PPFIBP2: variants seen among roughly 807,000 people sequenced by gnomAD.
The protein encoded by PPFIBP2 is PPFIB scaffold protein 2.
In PPFIBP2, 118 loss-of-function variants were observed where a neutral mutation model predicts 118.3. That is an observed-to-expected ratio of 1.00 (90% CI 0.86 to 1.16). The LOEUF (loss-of-function observed/expected upper bound fraction) is 1.16, where lower values mean the gene tolerates loss of function less well. PPFIBP2 is among the 50% of genes most tolerant of loss of function. PPFIBP2 has a pLI of 0.00. For synonymous variants in PPFIBP2, 414 were observed against 397.4 expected (o/e 1.04, Z -0.50); for missense variants, 1,195 against 1,073.1 (o/e 1.11, Z -1.59).
chr11:7,555,545 A>G (rs1590221079), intron 2 of PPFIBP2, among the ~76,000 whole-genome samples: 1 of 152,354 alleles, frequency 6.6e-6, no homozygotes, highest in African/African-American at 2.4e-5. Context: ...GTGCAGCAGC[A>G]TATAGCATTC....
In PPFIBP2 at chr11:7,610,379, A is replaced by C. The variant is rs1372143324; in HGVS notation, c.575A>C (p.Glu192Ala). 2 of 1,614,060 alleles carry C rather than the reference A, an allele frequency of 1.2e-6. No homozygotes were observed. Among genetic ancestry groups the C allele is most frequent in the East Asian group, 4.5e-5 (2 of 44,898 alleles). The change falls in exon 6 of 24, where the codon GAG becomes GCG. Residue 192 changes from glutamate (E) to alanine (A), a missense_variant. Transcript: ENST00000299492. ...SELKLKLVGM[E>A]KEQREQEEKQ... is the part of the protein sequence containing the mutation. The stretch of plus-strand genomic sequence containing the variant: ...CTGAAGCTCAAGCTGGTTGGCATGG[A>C]GAAGGAGCAGAGAGAGCAGGAGGAG...
At chr11:7,554,035 C>CTG (rs143724950) in intron 2 of PPFIBP2, among the ~76,000 whole-genome samples, 7,532 of 152,108 alleles carry the variant, frequency 0.05, 237 homozygotes, top group African/African-American at 0.1. Context: ...AGTTTGAAAA[C>CTG]TGGCACCACA....
At chr11:7,532,694 C>T (rs867029859) in intron 1 of PPFIBP2, among the ~76,000 whole-genome samples, 11 of 152,234 alleles carry the variant, frequency 7.2e-5, no homozygotes, top group Non-Finnish European at 1.6e-4. Flanking sequence ...CGGGGGAAGC[C>T]TCCTTCTCCT....
chr11:7,562,972 T>TAC (rs1310851323), intron 2 of PPFIBP2, among the ~76,000 whole-genome samples: 1 of 92,622 alleles, frequency 1.1e-5, no homozygotes, highest in African/African-American at 4.0e-5. Context: ...TATATATATA[T>TAC]ATATACACGC....
At chr11:7,542,416 T>G (rs1386009273) in intron 1 of PPFIBP2, among the ~76,000 whole-genome samples, 1 of 152,242 alleles carries the variant, frequency 6.6e-6, no homozygotes. Flanking sequence ...TTAATCTTAA[T>G]CACCACTATA....
intron 7 of PPFIBP2, among the ~76,000 whole-genome samples, chr11:7,622,881 T>C (rs971038392): frequency 1.3e-5 from 2 of 152,216 alleles, no homozygotes; most frequent in Non-Finnish European, 1.5e-5. Flanking sequence ...ATAACACTTT[T>C]CTTTTTAACA....
intron 5 of PPFIBP2, among the ~76,000 whole-genome samples, chr11:7,605,429 A>G (rs973716184): frequency 2.0e-5 from 3 of 152,226 alleles, no homozygotes; most frequent in Admixed American, 6.5e-5. Context: ...GACAAACACA[A>G]GTTTTGCCAG....
chr11:7,540,171 G>A lies in PPFIBP2; in HGVS notation c.-36-9269G>A, dbSNP rs918861178. The stretch of plus-strand genomic sequence containing the variant: ...CTGAGTGATAGAAAGCTGGTGAAGC[G>A]TTGTGAATGCTGGGAAGCCTTGGTA... On this transcript the variant is annotated intron_variant, in intron 1 of 23. Coordinates refer to ENST00000299492, the MANE Select transcript of PPFIBP2 (RefSeq NM_003621.5). 2.0e-5 allele frequency among the ~76,000 whole-genome samples: 3 copies of A among 152,236 alleles called. No individual in the cohort carries two copies. In the East Asian group the frequency reaches 5.8e-4, roughly 29 times the overall value.
At chr11:7,653,872 G>A, downstream of PPFIBP2, 3 of 1,033,174 alleles carry the variant, frequency 2.9e-6, no homozygotes, top group Middle Eastern at 4.4e-4. Context: ...CTAGTCCTCA[G>A]CCAGGTGCAT....
chr11:7,600,135 C>A (rs1489021115), intron 5 of PPFIBP2, among the ~76,000 whole-genome samples: 1 of 152,108 alleles, frequency 6.6e-6, no homozygotes, highest in Non-Finnish European at 1.5e-5. Flanking sequence ...CATAAGCTTT[C>A]ATTGTATTCT....
intron 10 of PPFIBP2, 26 bp from the exon 11 acceptor site, chr11:7,630,899 C>T (rs1850669070): frequency 2.6e-6 from 4 of 1,530,664 alleles, no homozygotes; most frequent in Non-Finnish European, 3.6e-6. Flanking sequence ...TTCAACAATT[C>T]AGTCTTACTA....
downstream of PPFIBP2, chr11:7,656,692 CTAT>C (rs1854723636): frequency 7.8e-7 from 1 of 1,288,450 alleles, no homozygotes; most frequent in African/African-American, 1.5e-5. Flanking sequence ...GACCAAAACT[CTAT>C]TAAACTGACC....
chr11:7,594,050 G>T (rs554989668), intron 4 of PPFIBP2, among the ~76,000 whole-genome samples: 1 of 152,300 alleles, frequency 6.6e-6, no homozygotes, highest in African/African-American at 2.4e-5. Flanking sequence ...TAGAATGAAG[G>T]GAGGGGTTGA....
intron 3 of PPFIBP2, among the ~76,000 whole-genome samples, chr11:7,578,197 A>C (rs1277673683): frequency 6.6e-6 from 1 of 152,184 alleles, no homozygotes; most frequent in East Asian, 1.9e-4. Flanking sequence ...GATAAACCTG[A>C]GTGTGTGGTA....
chr11:7,526,222 T>C (rs1850211391), intron 1 of PPFIBP2, among the ~76,000 whole-genome samples: 1 of 152,170 alleles, frequency 6.6e-6, no homozygotes, highest in Admixed American at 6.5e-5. Flanking sequence ...TGTAAGATTT[T>C]GGCAAAGGGA....
intron 3 of PPFIBP2, chr11:7,569,009 A>T (rs2134770043): frequency 6.6e-6 from 1 of 152,378 alleles, no homozygotes; most frequent in African/African-American, 2.4e-5. Context: ...CTCATCTGGG[A>T]CTGCAGATCT....
chr11:7,571,725 G>A (rs1485324551), intron 3 of PPFIBP2: 1 of 152,136 alleles, frequency 6.6e-6, no homozygotes, highest in Non-Finnish European at 1.5e-5. Context: ...TTGAGTGAGA[G>A]ATGAGAAAGG....
At chr11:7,540,886 A>G (rs577605529) in intron 1 of PPFIBP2, among the ~76,000 whole-genome samples, 1 of 152,352 alleles carries the variant, frequency 6.6e-6, no homozygotes, top group Non-Finnish European at 1.5e-5. Flanking sequence ...TAAAAGCTGG[A>G]AAGCAGTGCA....
chr11:7,573,079 C>T (rs1315982842), intron 3 of PPFIBP2, among the ~76,000 whole-genome samples: 8 of 152,234 alleles, frequency 5.3e-5, no homozygotes, highest in Non-Finnish European at 1.0e-4. Flanking sequence ...CATACCTGGC[C>T]TTGAGGAACT....
Sources: gnomAD v4.1 joint callset for allele counts (sites outside exome capture counted in the v4.1 genomes callset) on GRCh38, gnomAD v4.1.1 for gene constraint, MANE v1.5 for transcripts, NCBI Gene and HGNC (gene_info 2026-07-23, HGNC 2026-07-21) for gene names.